TRAPPC9: variants seen among roughly 807,000 people sequenced by gnomAD.
TRAPPC9 encodes trafficking protein particle complex subunit 9.
In TRAPPC9, 83 loss-of-function variants were observed where a neutral mutation model predicts 124.0. The ratio of observed to expected loss-of-function variants is 0.67; its 90% CI spans 0.56 to 0.80. The LOEUF is 0.80. Ranked by LOEUF, TRAPPC9 falls within the 30% of genes least tolerant of loss-of-function variation. TRAPPC9 has a pLI of 0.00. For synonymous variants in TRAPPC9, 638 were observed against 617.5 expected, an observed-to-expected ratio of 1.03 and a Z score of -0.49; for missense variants, 1,302 against 1,508.3, an observed-to-expected ratio of 0.86 and a Z score of 2.27.
At chr8:140,202,091 G>A (rs2062805253) in intron 17 of TRAPPC9, among the ~76,000 whole-genome samples, 1 of 150,754 alleles carries the variant, frequency 6.6e-6, no homozygotes, top group Non-Finnish European at 1.5e-5. Context: ...CTAAGCCTCA[G>A]TTTCCTCATT....
chr8:140,247,998 C>G (rs961484828), intron 16 of TRAPPC9, among the ~76,000 whole-genome samples: 1 of 152,084 alleles, frequency 6.6e-6, no homozygotes, highest in Non-Finnish European at 1.5e-5. Context: ...CTTCTGAGCA[C>G]GTTCTTCTAT....
At chr8:139,910,401 T>C in intron 19 of TRAPPC9, 101 bp from the exon 20 acceptor site, 2 of 1,168,880 alleles carry the variant, frequency 1.7e-6, no homozygotes, top group Non-Finnish European at 2.6e-6. Context: ...CTATAATGAA[T>C]CATTATCGTT....
At chr8:139,977,490 C>T (rs185615833) in intron 19 of TRAPPC9, among the ~76,000 whole-genome samples, 8 of 151,462 alleles carry the variant, frequency 5.3e-5, no homozygotes, top group African/African-American at 9.7e-5. Flanking sequence ...TGGTGGCGGG[C>T]GCCTGTAGTC....
At chr8:140,421,052 G>A (rs577013498) in intron 5 of TRAPPC9, among the ~76,000 whole-genome samples, 2 of 152,052 alleles carry the variant, frequency 1.3e-5, no homozygotes, top group Non-Finnish European at 2.9e-5. Flanking sequence ...CACAGCTCCT[G>A]TAATTCAGAT....
Position 139,732,150 on chromosome 8 carries a change from C to A in TRAPPC9, c.3108G>T (p.Gln1036His). The change falls in exon 22 of 23, where the codon CAG becomes CAT. Residue 1036 changes from glutamine to histidine, a missense_variant. Transcript: ENST00000438773. ...CCTCCAGGCGCACGGGGTCGCCCAC[C>A]TGGCAGGCCGCCACAGCCTCGCGGT... ...PCDREAVAAC[Q>H]VGDPVRLEVR... 6.2e-7 allele frequency: 1 copy of A among 1,603,996 alleles called. No homozygotes were observed. Among genetic ancestry groups the A allele is most frequent in the Non-Finnish European group, 8.5e-7 (1 of 1,177,152 alleles).
At chr8:139,779,448 A>G (rs1301460168) in intron 21 of TRAPPC9, among the ~76,000 whole-genome samples, 2 of 152,344 alleles carry the variant, frequency 1.3e-5, no homozygotes, top group South Asian at 4.1e-4. Context: ...TGGTAACTAC[A>G]TGAGTAAATA....
chr8:140,126,458 G>A (rs539287108), intron 17 of TRAPPC9, among the ~76,000 whole-genome samples: 161 of 152,190 alleles, frequency 1.1e-3, no homozygotes, highest in African/African-American at 3.8e-3. Context: ...AAGGGAATTC[G>A]AACACCCCGT....
intron 17 of TRAPPC9, among the ~76,000 whole-genome samples, chr8:140,118,887 G>A (rs186238461): frequency 3.3e-5 from 5 of 152,348 alleles, no homozygotes; most frequent in African/African-American, 9.6e-5. Flanking sequence ...TCCCACCTGC[G>A]GCCTGGCCCT....
intron 17 of TRAPPC9, among the ~76,000 whole-genome samples, chr8:140,103,209 G>A (rs545799582): frequency 2.6e-5 from 4 of 152,276 alleles, no homozygotes; most frequent in Middle Eastern, 3.4e-3. Context: ...CCAGACCCTC[G>A]ATGACAATTG....
intron 5 of TRAPPC9, among the ~76,000 whole-genome samples, chr8:140,417,525 T>C (rs535758790): frequency 5.9e-5 from 9 of 152,260 alleles, no homozygotes; most frequent in Admixed American, 5.9e-4. Flanking sequence ...CATCTCACGC[T>C]AGTTAGACTG....
At chr8:140,240,151 G>A (rs1049284148) in intron 16 of TRAPPC9, among the ~76,000 whole-genome samples, 1 of 151,866 alleles carries the variant, frequency 6.6e-6, no homozygotes, top group East Asian at 1.9e-4. Flanking sequence ...TTTCACCCTA[G>A]TCTCCAGTTC....
intron 17 of TRAPPC9, among the ~76,000 whole-genome samples, chr8:140,078,049 T>C (rs1843611474): frequency 6.6e-6 from 1 of 152,152 alleles, no homozygotes; most frequent in Non-Finnish European, 1.5e-5. Context: ...AGGCAAACTG[T>C]CTTCAAAGCA....
chr8:139,992,851 C>A (rs978432398), intron 18 of TRAPPC9, among the ~76,000 whole-genome samples: 1 of 151,870 alleles, frequency 6.6e-6, no homozygotes, highest in Non-Finnish European at 1.5e-5. Context: ...AATGACTATG[C>A]AGGTACACAG....
At chr8:139,838,668 G>C (rs991270352) in intron 21 of TRAPPC9, among the ~76,000 whole-genome samples, 1 of 152,196 alleles carries the variant, frequency 6.6e-6, no homozygotes, top group African/African-American at 2.4e-5. Context: ...TGACGGGTGG[G>C]TGGCAAGGTT....
chr8:140,193,314 G>T (rs1296196649), intron 17 of TRAPPC9, among the ~76,000 whole-genome samples: 1 of 152,108 alleles, frequency 6.6e-6, no homozygotes, highest in Non-Finnish European at 1.5e-5. Flanking sequence ...TAGAACTAAG[G>T]CCTAGATTCT....
intron 21 of TRAPPC9, among the ~76,000 whole-genome samples, chr8:139,884,368 G>T (rs539993658): frequency 6.6e-6 from 1 of 152,212 alleles, no homozygotes; most frequent in South Asian, 2.1e-4. Flanking sequence ...CCTTACCTGG[G>T]GCTAGGGCTG....
intron 17 of TRAPPC9, among the ~76,000 whole-genome samples, chr8:140,116,005 AAGG>A (rs1453738660): frequency 6.6e-6 from 1 of 152,170 alleles, no homozygotes; most frequent in African/African-American, 2.4e-5. Flanking sequence ...CACAAATCAG[AAGG>A]AGCTCACGAG....
chr8:140,189,407 C>T (rs939674530), intron 17 of TRAPPC9, among the ~76,000 whole-genome samples: 3 of 152,184 alleles, frequency 2.0e-5, no homozygotes, highest in African/African-American at 4.8e-5. Flanking sequence ...GAAAAACTAG[C>T]GACCCAAGCC....
rs1013192272 is a variant in TRAPPC9, at chr8:140,252,127, C to T, written c.2431+650G>A. ...GCAACCTCCGCCTCCCAGGTTCAAG[C>T]GATTCTCCTGCCCTCAGCCTCCTGA... On this transcript the variant is annotated intron_variant, in intron 16 of 22. Coordinates refer to ENST00000438773, the MANE Select transcript of TRAPPC9 (RefSeq NM_001160372.4). The surrounding 1 kb of genome is among the most constrained non-coding windows in gnomAD (Gnocchi z 4.2). Among the ~76,000 whole-genome samples the T allele has an allele frequency of 1.2e-4, 18 of 151,826 alleles. No homozygotes were observed. The highest frequency in any genetic ancestry group is 2.2e-4 in the Non-Finnish European group (15 of 67,986).
Sources: allele counts gnomAD v4.1 joint callset (sites outside exome capture counted in the v4.1 genomes callset), GRCh38; gene constraint gnomAD v4.1.1; non-coding constraint Gnocchi (gnomAD v3.1); transcripts MANE v1.5; gene names NCBI Gene and HGNC (gene_info 2026-07-23, HGNC 2026-07-21).